The following POLR1F variants were observed in gnomAD, a reference collection of about 807,000 sequenced individuals.
The protein encoded by POLR1F is DNA-directed RNA polymerase I subunit RPA43.
POLR1F carries 23 observed loss-of-function variants against 21.8 expected under a neutral mutation model. The observed-to-expected ratio is 1.05, with a 90% confidence interval of 0.76 to 1.49. POLR1F has a LOEUF of 1.49. Among genes scored for constraint, POLR1F ranks in the 40% most tolerant of loss-of-function variants. POLR1F has a pLI of 0.00. For missense variants in POLR1F, 435 were observed against 412.1 expected (o/e 1.06, Z -0.48); for synonymous variants, 162 against 152.8 (o/e 1.06, Z -0.45).
In POLR1F at chr7:19,698,483, G is replaced by C; in HGVS notation, c.850C>G (p.His284Asp). The change falls in exon 4 of 4, where the codon CAC becomes GAC. Residue 284 changes from histidine (H) to aspartate (D), a missense_variant. Transcript: ENST00000222567. ...EPKKKKKKKKHQEVQDQDPVF... is the reference protein window; with the variant it reads ...EPKKKKKKKKDQEVQDQDPVF... ...GGGTCCTGGTCCTGAACTTCCTGGT[G>C]CTTTTTCTTCTTCTTCTTTTTCTTT... 6.2e-7 allele frequency: 1 copy of C among 1,611,864 alleles called. No individual in the cohort carries two copies. The highest frequency in any genetic ancestry group is 8.5e-7 in the Non-Finnish European group (1 of 1,179,436).
intron 2 of POLR1F, 118 bp from the exon 3 acceptor site, chr7:19,700,398 C>G (rs1290376712): frequency 4.0e-6 from 3 of 749,340 alleles, no homozygotes; most frequent in Non-Finnish European, 6.5e-6. Flanking sequence ...AATTAATGGT[C>G]TAATTTAATA....
At chr7:19,704,298 C>T (rs1220414104) in intron 2 of POLR1F, among the ~76,000 whole-genome samples, 1 of 152,186 alleles carries the variant, frequency 6.6e-6, no homozygotes, top group Non-Finnish European at 1.5e-5. Flanking sequence ...TCAATATCTG[C>T]ATTTCCAGCT....
At chr7:19,708,657 G>A in intron 1 of POLR1F, 106 bp downstream of exon 1, 6 of 1,471,000 alleles carry the variant, frequency 4.1e-6, no homozygotes, top group Admixed American at 1.9e-5. Context: ...TAAGCTCTGG[G>A]GGGCAATGCG....
intron 2 of POLR1F, among the ~76,000 whole-genome samples, chr7:19,700,887 C>T (rs1783438722): frequency 6.6e-6 from 1 of 152,118 alleles, no homozygotes; most frequent in Non-Finnish European, 1.5e-5. Flanking sequence ...TTATTAGAAG[C>T]TTTAAAACTA....
chr7:19,703,968 C>G (rs1363630828), intron 2 of POLR1F, among the ~76,000 whole-genome samples: 2 of 152,162 alleles, frequency 1.3e-5, no homozygotes, highest in African/African-American at 4.8e-5. Context: ...AAATACAAAT[C>G]TACTGCCAAC....
In POLR1F at chr7:19,697,140, T is replaced by A. The variant is rs1263324811; in HGVS notation, c.*1176A>T. The A allele has an allele frequency of 6.6e-6, 1 of 152,154 alleles. No homozygotes were observed. The highest frequency in any genetic ancestry group is 1.5e-5 in the Non-Finnish European group (1 of 67,976). 9.4% of individuals were successfully genotyped at this position (152,154 alleles called of 1,614,324 possible). On this transcript the variant is annotated 3_prime_UTR_variant, in exon 4 of 4. Coordinates refer to ENST00000222567, the MANE Select transcript of POLR1F (RefSeq NM_001002926.2). ...AAATGCTGACATGGGAGTTCAACCA[T>A]TCATGCATTTGCAGATACTAACACA...
rs1179204938 is a variant in POLR1F at position 19,696,696 on chromosome 7, C to T, written c.*1620G>A. 1 of 151,894 alleles carries T rather than the reference C, an allele frequency of 6.6e-6. No homozygotes were observed. Among genetic ancestry groups the T allele is most frequent in the Admixed American group, 6.6e-5 (1 of 15,254 alleles). The allele number at this position is 151,894 out of a possible 1,614,324, so 9.4% of individuals were successfully genotyped here. ...AGAAAGTTAACATGAGCTTCATGTA[C>T]AATTTTTAATCTTTTTGCAGAAAAA... On this transcript the variant is annotated 3_prime_UTR_variant, in exon 4 of 4. Transcript: ENST00000222567.
At chr7:19,699,472 G>A (rs1338888335) in intron 3 of POLR1F, among the ~76,000 whole-genome samples, 4 of 152,110 alleles carry the variant, frequency 2.6e-5, no homozygotes, top group Non-Finnish European at 5.9e-5. Flanking sequence ...TACAGAAATT[G>A]AACAGCTGTT....
chr7:19,708,985 G>T lies in POLR1F; in HGVS notation c.32C>A (p.Pro11Gln), dbSNP rs376366064. 2.1e-5 allele frequency: 33 copies of T among 1,595,494 alleles called. No homozygotes were observed. The East Asian group carries it at 6.1e-4, about 29-fold the overall frequency. Reference sequence around the variant, plus strand: ...CAGAGACCCATCAGAAGCCGCCGCTGGCCGCGGCGCCTCTGAGCAACCTGC... The same window carrying T: ...CAGAGACCCATCAGAAGCCGCCGCTTGCCGCGGCGCCTCTGAGCAACCTGC... The part of the protein sequence containing the change: MAAGCSEAPR[P>Q]AAASDGSLVG... Residue 11 changes from proline (P) to glutamine (Q), a missense_variant, in exon 1 of 4, where the codon CCA (proline) becomes CAA (glutamine). Transcript: ENST00000222567.
chr7:19,699,419 A>G (rs1165613617), intron 3 of POLR1F, among the ~76,000 whole-genome samples: 4 of 152,168 alleles, frequency 2.6e-5, no homozygotes, highest in Admixed American at 2.6e-4. Context: ...AATGCTCAAT[A>G]GTGAGGCTGC....
At chr7:19,701,920 G>C (rs992653311) in intron 2 of POLR1F, among the ~76,000 whole-genome samples, 1 of 152,042 alleles carries the variant, frequency 6.6e-6, no homozygotes, top group Non-Finnish European at 1.5e-5. Flanking sequence ...AACCTCTCTC[G>C]GTGTGTAGGC....
chr7:19,708,663 A>T (rs1583404473), intron 1 of POLR1F, 100 bp downstream of exon 1: 2 of 1,512,716 alleles, frequency 1.3e-6, no homozygotes, highest in East Asian at 2.3e-5. Context: ...CTGGGGGGCA[A>T]TGCGACCTTT....
chr7:19,705,936 C>A (rs1479274434), intron 1 of POLR1F, among the ~76,000 whole-genome samples: 1 of 152,156 alleles, frequency 6.6e-6, no homozygotes, highest in Middle Eastern at 3.2e-3. Context: ...TTCCCTGACT[C>A]CCCCAGGCAA....
At chr7:19,705,239 AG>A (rs1783505026) in intron 1 of POLR1F, 1 of 185,692 alleles carries the variant, frequency 5.4e-6, no homozygotes, top group Non-Finnish European at 1.1e-5. Context: ...TAACAACTTT[AG>A]TAGTCCCATT....
chr7:19,704,892 T>G lies in POLR1F; in HGVS notation c.283A>C (p.Asn95His), dbSNP rs771018531. The G allele has an allele frequency of 1.2e-5, 19 of 1,603,038 alleles. No individual in the cohort carries two copies. The highest frequency in any genetic ancestry group is 1.6e-5 in the Non-Finnish European group (19 of 1,176,546). Reference sequence around the variant, plus strand: ...CCAAGCTCTCCCACAACTTTGATGTTATCATATGCAATAGGGACACCTAAA... The same window carrying G: ...CCAAGCTCTCCCACAACTTTGATGTGATCATATGCAATAGGGACACCTAAA... ...SLLGVPIAYD[N>H]IKVVGELGDI... The change falls in exon 2 of 4, where the codon AAC becomes CAC. Residue 95 changes from asparagine (N) to histidine (H), a missense_variant. Physicochemically the swap from Asn to His is moderately conservative, Grantham distance 68. Transcript: ENST00000222567.
intron 1 of POLR1F, among the ~76,000 whole-genome samples, chr7:19,707,037 T>C (rs2128007326): frequency 6.6e-6 from 1 of 152,356 alleles, no homozygotes. Context: ...CAGGCAGTAC[T>C]GGTTACAGAA....
At chr7:19,705,993 C>T (rs900802832) in intron 1 of POLR1F, among the ~76,000 whole-genome samples, 1 of 152,160 alleles carries the variant, frequency 6.6e-6, no homozygotes, top group Non-Finnish European at 1.5e-5. Context: ...TCTCACTGTT[C>T]TTAATCTAAT....
At chr7:19,698,800 C>T in intron 3 of POLR1F, 73 bp from the exon 4 acceptor site, 1 of 1,261,320 alleles carries the variant, frequency 7.9e-7, no homozygotes, top group Non-Finnish European at 1.1e-6. Flanking sequence ...ATCAAGATAT[C>T]CCAACAGGCT....
chr7:19,701,971 G>A (rs1279936408), intron 2 of POLR1F, among the ~76,000 whole-genome samples: 1 of 152,120 alleles, frequency 6.6e-6, no homozygotes, highest in Non-Finnish European at 1.5e-5. Flanking sequence ...ATATCTGTGT[G>A]TCAGTGTACG....
Sources: allele counts gnomAD v4.1 joint callset (sites outside exome capture counted in the v4.1 genomes callset), GRCh38; gene constraint gnomAD v4.1.1; transcripts MANE v1.5; gene names NCBI Gene and HGNC (gene_info 2026-07-23, HGNC 2026-07-21).